Variants in TRPM7 observed in about 807,000 individuals in gnomAD.
TRPM7 encodes transient receptor potential cation channel subfamily M member 7.
In TRPM7, 134 loss-of-function variants were observed where a neutral mutation model predicts 229.7. That is an observed-to-expected ratio of 0.58 (90% confidence interval 0.51 to 0.67). The LOEUF (loss-of-function observed/expected upper bound fraction) is 0.67, where lower values mean the gene tolerates loss of function less well. TRPM7 is among the 30% of genes least tolerant of loss of function. The pLI is 0.00. For missense variants in TRPM7, 1,901 were observed against 2,210.0 expected (o/e 0.86, Z 2.80); for synonymous variants, 699 against 715.2 (o/e 0.98, Z 0.36).
chr15:50,578,735 G>C, intron 30 of TRPM7, 71 bp from the exon 31 acceptor site: 1 of 1,107,552 alleles, frequency 9.0e-7, no homozygotes, highest in Non-Finnish European at 1.2e-6. Flanking sequence ...TTAATTTTTT[G>C]ATTTTATACA....
At chr15:50,577,266 C>A (rs185918801) in intron 31 of TRPM7, among the ~76,000 whole-genome samples, 1 of 152,146 alleles carries the variant, frequency 6.6e-6, no homozygotes. Flanking sequence ...TTAGAAAAAT[C>A]AGGCCAGGTG....
chr15:50,664,281 G>A (rs1160255996), intron 1 of TRPM7, among the ~76,000 whole-genome samples: 2 of 141,508 alleles, frequency 1.4e-5, no homozygotes. Context: ...CTGCACTCCA[G>A]CCTGGCGACA....
At chr15:50,657,904 C>CA (rs1232976816) in intron 2 of TRPM7, 85 bp from the exon 3 acceptor site, 21 of 1,078,338 alleles carry the variant, frequency 1.9e-5, no homozygotes, top group South Asian at 4.8e-5. Context: ...AAATACAAAA[C>CA]AAAAAAAATT....
intron 10 of TRPM7, 78 bp downstream of exon 10, chr15:50,631,339 C>T: frequency 3.0e-6 from 2 of 673,098 alleles, no homozygotes; most frequent in African/African-American, 1.8e-5. Flanking sequence ...TATATACATA[C>T]ACATATACAC....
rs940267195 is a variant in TRPM7, at chr15:50,663,332, G to A, written c.4-286C>T. 2.0e-5 allele frequency among the ~76,000 whole-genome samples: 3 copies of A among 152,274 alleles called. No homozygotes were observed. The East Asian group carries it at 5.8e-4, about 29-fold the overall frequency. ...TTTAGTAGAGATGGCGTTTCTCCATGTTGGTCAGGCTGGTAACGCCCGACC... is the reference window on the plus strand; with the variant it reads ...TTTAGTAGAGATGGCGTTTCTCCATATTGGTCAGGCTGGTAACGCCCGACC... On this transcript the variant is annotated intron_variant, in intron 1 of 38. Coordinates refer to ENST00000646667, the MANE Select transcript of TRPM7 (RefSeq NM_017672.6).
At chr15:50,685,233 C>CGGGCGGATCACCTGAGGT (rs1330866397) in intron 1 of TRPM7, among the ~76,000 whole-genome samples, 1 of 152,162 alleles carries the variant, frequency 6.6e-6, no homozygotes, top group Non-Finnish European at 1.5e-5. Context: ...GGGGCTGAGG[C>CGGGCGGATCACCTGAGGT]GGGCGGATCA....
intron 23 of TRPM7, among the ~76,000 whole-genome samples, chr15:50,595,914 A>G: frequency 6.6e-6 from 1 of 150,922 alleles, no homozygotes. Flanking sequence ...TGGTTTACAT[A>G]TATTTGCAAA....
intron 29 of TRPM7, 110 bp from the exon 30 acceptor site, chr15:50,581,018 A>C: frequency 1.1e-6 from 1 of 938,944 alleles, no homozygotes; most frequent in Non-Finnish European, 1.6e-6. Context: ...AAAGGCCAAA[A>C]AACTAACATA....
chr15:50,670,872 G>A (rs1467378895), intron 1 of TRPM7, among the ~76,000 whole-genome samples: 5 of 151,040 alleles, frequency 3.3e-5, no homozygotes, highest in African/African-American at 9.7e-5. Flanking sequence ...GTGCCAAAAC[G>A]TGTCAAAACA....
chr15:50,677,738 C>CAAAAAAAAAAAAA (rs10652951), intron 1 of TRPM7, among the ~76,000 whole-genome samples: 4 of 38,172 alleles, frequency 1.0e-4, no homozygotes, highest in Non-Finnish European at 1.5e-4. Context: ...GACCCCGTAT[C>CAAAAAAAAAAAAA]AAAAAAAAAA....
chr15:50,603,121 T>C (rs1156772753), intron 21 of TRPM7, among the ~76,000 whole-genome samples: 1 of 152,150 alleles, frequency 6.6e-6, no homozygotes, highest in Non-Finnish European at 1.5e-5. Flanking sequence ...AATACTTTGA[T>C]GTGAAAAACA....
intron 10 of TRPM7, among the ~76,000 whole-genome samples, chr15:50,630,658 T>G (rs1051554723): frequency 6.6e-6 from 1 of 152,156 alleles, no homozygotes; most frequent in African/African-American, 2.4e-5. Flanking sequence ...ACACTTATTT[T>G]TCAGCTGATT....
intron 6 of TRPM7, 45 bp from the exon 7 acceptor site, chr15:50,637,638 A>G: frequency 6.7e-7 from 1 of 1,481,548 alleles, no homozygotes. Context: ...GATTAAATAC[A>G]GTATGATGTA....
chr15:50,600,432 A>G (rs938965182), intron 21 of TRPM7, among the ~76,000 whole-genome samples: 2 of 147,864 alleles, frequency 1.4e-5, no homozygotes, highest in African/African-American at 5.1e-5. Flanking sequence ...GCGAGACTCC[A>G]TCTTAAAAAA....
chr15:50,625,892 G>A lies in TRPM7; in HGVS notation c.1306-1592C>T, dbSNP rs150910284. ...TTAGTTTTCTCTACATTATTAGGCT[G>A]TAGTTTATCATGGCATCGTACTATT... is the stretch of plus-strand genomic sequence containing the variant. On this transcript the variant is annotated intron_variant, in intron 11 of 38. Transcript: ENST00000646667. 3.9e-5 allele frequency among the ~76,000 whole-genome samples: 6 copies of A among 152,226 alleles called. No individual in the cohort carries two copies. The East Asian group carries it at 1.2e-3, about 29-fold the overall frequency.
intron 1 of TRPM7, among the ~76,000 whole-genome samples, chr15:50,684,023 C>G (rs1182760746): frequency 1.3e-5 from 2 of 151,950 alleles, no homozygotes; most frequent in African/African-American, 2.4e-5. Context: ...CGACGCCCTG[C>G]TAATTTTTAG....
At chr15:50,671,855 T>C (rs752557716) in intron 1 of TRPM7, among the ~76,000 whole-genome samples, 2 of 152,084 alleles carry the variant, frequency 1.3e-5, no homozygotes, top group African/African-American at 4.8e-5. Context: ...CATAAGTTCA[T>C]AGCACCAGGA....
rs760712237 is a variant in TRPM7, at chr15:50,612,875, A to G, written c.1771-46T>C. On this transcript the variant is annotated intron_variant, in intron 15 of 38. Transcript: ENST00000646667. Reference sequence around the variant, plus strand: ...ATAAAGCTCATTATAATAAGGCCATATGAAATTTATGTCAGTGAAAATTTT... The same window carrying G: ...ATAAAGCTCATTATAATAAGGCCATGTGAAATTTATGTCAGTGAAAATTTT... The G allele has an allele frequency of 4.6e-6, 7 of 1,517,822 alleles. No homozygotes were observed. The South Asian group carries it at 8.8e-5, about 19-fold the overall frequency. The allele number at this position is 1,517,822 out of a possible 1,614,324, so 94.0% of individuals were successfully genotyped here.
intron 9 of TRPM7, among the ~76,000 whole-genome samples, chr15:50,632,082 CACGTGAGGTTAGG>C (rs1296122976): frequency 2.0e-5 from 3 of 152,018 alleles, no homozygotes; most frequent in Admixed American, 6.6e-5. Flanking sequence ...GTGGGCGGAT[CACGTGAGGTTAGG>C]AGTTCGAGAC....
Sources: gnomAD v4.1 joint callset for allele counts (sites outside exome capture counted in the v4.1 genomes callset) on GRCh38, gnomAD v4.1.1 for gene constraint, MANE v1.5 for transcripts, NCBI Gene and HGNC (gene_info 2026-07-23, HGNC 2026-07-21) for gene names.